LMX1A: variants seen among roughly 807,000 people sequenced by gnomAD.
LMX1A encodes LIM homeobox transcription factor 1-alpha.
In LMX1A, 15 loss-of-function variants were observed where a neutral mutation model predicts 49.1. The observed-to-expected ratio is 0.31, with a 90% CI of 0.20 to 0.47. LMX1A has a LOEUF of 0.47. Among genes scored for constraint, LMX1A ranks in the 20% least tolerant of loss-of-function variants. The pLI is 1.00. For synonymous variants in LMX1A, 167 were observed against 185.7 expected (o/e 0.90, Z 0.82); for missense variants, 372 against 475.8 (o/e 0.78, Z 2.03).
chr1:165,286,179 C>T (rs563588783), intron 3 of LMX1A, among the ~76,000 whole-genome samples: 11 of 152,292 alleles, frequency 7.2e-5, no homozygotes, highest in African/African-American at 2.6e-4. Flanking sequence ...TAATTTCCTC[C>T]TCTGTAAAAT....
intron 3 of LMX1A, among the ~76,000 whole-genome samples, chr1:165,277,031 G>T (rs1653990633): frequency 6.6e-6 from 1 of 152,236 alleles, no homozygotes. Context: ...GCAGCTTCAA[G>T]ACAAGGAACA....
chr1:165,285,609 T>C (rs557973947), intron 3 of LMX1A, among the ~76,000 whole-genome samples: 23 of 152,290 alleles, frequency 1.5e-4, no homozygotes, highest in Admixed American at 1.2e-3. Flanking sequence ...TGAAAGAGCC[T>C]GAGGACCAGC....
At chr1:165,315,338 T>G (rs867588778) in intron 3 of LMX1A, among the ~76,000 whole-genome samples, 3 of 152,122 alleles carry the variant, frequency 2.0e-5, no homozygotes, top group Non-Finnish European at 4.4e-5. Flanking sequence ...GAAAGAATAT[T>G]CAGGAAAAGC....
chr1:165,246,712 C>A (rs1295874981), intron 4 of LMX1A, among the ~76,000 whole-genome samples: 5 of 152,200 alleles, frequency 3.3e-5, no homozygotes, highest in Non-Finnish European at 5.9e-5. Flanking sequence ...TTGAAGGCAA[C>A]AATTATGTCC....
chr1:165,355,707 G>C lies in LMX1A; in HGVS notation c.-22-126C>G. On this transcript the variant is annotated intron_variant, in intron 1 of 8. Coordinates refer to ENST00000342310, the MANE Select transcript of LMX1A (RefSeq NM_177398.4). The surrounding 1 kb of genome is among the most constrained non-coding windows in gnomAD (Gnocchi z 4.7). ...GCGACCAGAATCAGCCAGGAGGATA[G>C]GGTCCAGCCAAGAGAATGTAGGGTG... The C allele has an allele frequency of 1.4e-6, 1 of 690,792 alleles. No individual in the cohort carries two copies. Among genetic ancestry groups the C allele is most frequent in the Non-Finnish European group, 2.5e-6 (1 of 394,638 alleles). 42.8% of individuals were successfully genotyped at this position (690,792 alleles called of 1,614,324 possible).
intron 3 of LMX1A, among the ~76,000 whole-genome samples, chr1:165,285,694 T>C (rs978926472): frequency 6.6e-6 from 1 of 152,108 alleles, no homozygotes; most frequent in African/African-American, 2.4e-5. Flanking sequence ...AGGCTAGAAG[T>C]AGGGAAGCAT....
At chr1:165,326,424 G>C (rs1464284853) in intron 3 of LMX1A, among the ~76,000 whole-genome samples, 1 of 152,184 alleles carries the variant, frequency 6.6e-6, no homozygotes, top group African/African-American at 2.4e-5. Context: ...TCTCTCTCCT[G>C]CTTTCTTTCC....
At chr1:165,277,044 T>C (rs1194115669) in intron 3 of LMX1A, among the ~76,000 whole-genome samples, 1 of 152,256 alleles carries the variant, frequency 6.6e-6, no homozygotes, top group Non-Finnish European at 1.5e-5. Context: ...AAGGAACAAC[T>C]GAGCGGTAGA....
At chr1:165,229,716 T>A (rs1652171534) in intron 4 of LMX1A, among the ~76,000 whole-genome samples, 2 of 137,442 alleles carry the variant, frequency 1.5e-5, no homozygotes, top group South Asian at 4.5e-4. Context: ...ATCAGGAGGG[T>A]TTTTTTGTTT....
chr1:165,291,548 A>G (rs556170932), intron 3 of LMX1A, among the ~76,000 whole-genome samples: 1 of 152,352 alleles, frequency 6.6e-6, no homozygotes, highest in South Asian at 2.1e-4. Flanking sequence ...AAGTGCTACC[A>G]GAATTCAAAA....
At position 165,355,211 on chromosome 1, in the gene LMX1A, T is replaced by C. The variant is rs959868710; in HGVS notation, c.76+273A>G. On this transcript the variant is annotated intron_variant, in intron 2 of 8. Transcript: ENST00000342310. This position sits in a 1 kb window ranked among gnomAD's most constrained non-coding sequence, Gnocchi z 4.7. ...TCCAGCCCTGGGTATTTTTAATCAC[T>C]TGCCACTCAGACGCCTACGAACAAG... Among the ~76,000 whole-genome samples the C allele has an allele frequency of 1.4e-4, 22 of 152,102 alleles. No individual in the cohort carries two copies. Among genetic ancestry groups the C allele is most frequent in the African/African-American group, 5.3e-4 (22 of 41,418 alleles).
At position 165,203,919 on chromosome 1, in the gene LMX1A, G is replaced by A. The variant is rs1650953318; in HGVS notation, c.1110C>T (p.Asp370=). 6.2e-7 allele frequency: 1 copy of A among 1,614,158 alleles called. No individual in the cohort carries two copies. The highest frequency in any genetic ancestry group is 8.5e-7 in the Non-Finnish European group (1 of 1,180,028). ...PLQSRVGNPI[D]HLYSMQNSYF... is the part of the protein sequence containing the mutation. Reference sequence around the variant, plus strand: ...AAGAATTCTGCATGGAGTACAGATGGTCAATGGGGTTTCCCACTCTGGACT... The same window carrying A: ...AAGAATTCTGCATGGAGTACAGATGATCAATGGGGTTTCCCACTCTGGACT... Residue 370 remains aspartate, a synonymous_variant, in exon 9 of 9, where the codon GAC becomes GAT. Transcript: ENST00000342310.
At chr1:165,249,704 C>T (rs1418571607) in intron 3 of LMX1A, 64 bp from the exon 4 acceptor site, 8 of 1,252,630 alleles carry the variant, frequency 6.4e-6, no homozygotes, top group Non-Finnish European at 9.2e-6. Context: ...CCTGGGTCTC[C>T]CCTGAAGTCA....
intron 3 of LMX1A, among the ~76,000 whole-genome samples, chr1:165,323,858 G>T (rs1485733413): frequency 6.6e-6 from 1 of 152,132 alleles, no homozygotes; most frequent in Non-Finnish European, 1.5e-5. Flanking sequence ...CAAAGGCAAA[G>T]ACTTTGACTT....
rs73017258 is a variant in LMX1A at position 165,314,107 on chromosome 1, A to G, written c.263+38969T>C. On this transcript the variant is annotated intron_variant, in intron 3 of 8. Coordinates refer to ENST00000342310, the MANE Select transcript of LMX1A (RefSeq NM_177398.4). ...AGCCAGCTCCCTAAGCCAGGCAGCA[A>G]ATAACTCCACAAGCTCACACCTCCT... 2.2e-3 allele frequency among the ~76,000 whole-genome samples: 333 copies of G among 152,340 alleles called. 1 individual carries two copies. The highest frequency in any genetic ancestry group is 7.8e-3 in the African/African-American group (323 of 41,574).
intron 3 of LMX1A, among the ~76,000 whole-genome samples, chr1:165,275,660 T>C (rs1350193590): frequency 6.6e-6 from 1 of 152,046 alleles, no homozygotes; most frequent in Non-Finnish European, 1.5e-5. Context: ...GTAATCCTTC[T>C]CCAGGGAAGA....
At chr1:165,284,177 CTG>C (rs1469935679) in intron 3 of LMX1A, among the ~76,000 whole-genome samples, 3 of 152,242 alleles carry the variant, frequency 2.0e-5, no homozygotes, top group African/African-American at 7.2e-5. Flanking sequence ...TGCGAGATGA[CTG>C]TAATATCAGC....
In LMX1A at chr1:165,249,460, A is replaced by G. The variant is rs145214876; in HGVS notation, c.444T>C (p.Tyr148=). The G allele has an allele frequency of 5.0e-6, 8 of 1,614,010 alleles. No individual in the cohort carries two copies. The African/African-American group carries it at 8.0e-5, about 16-fold the overall frequency. ...KEGQLLCKGD[Y]EKERELLSLV... is the part of the protein sequence containing the mutation. ...GGCTGAGCAGCTCCCGCTCCTTCTCATAGTCCCCTTTGCAGAGCAGCTGCC... is the reference window on the plus strand; with the variant it reads ...GGCTGAGCAGCTCCCGCTCCTTCTCGTAGTCCCCTTTGCAGAGCAGCTGCC... Residue 148 remains tyrosine (Y), a synonymous_variant, in exon 4 of 9, where the codon TAT becomes TAC. Transcript: ENST00000342310.
intron 3 of LMX1A, among the ~76,000 whole-genome samples, chr1:165,259,128 A>C (rs1653346494): frequency 6.6e-6 from 1 of 152,224 alleles, no homozygotes; most frequent in Non-Finnish European, 1.5e-5. Flanking sequence ...CAAAAATAGA[A>C]CTTTATATGT....
Sources: gnomAD v4.1 joint callset for allele counts (sites outside exome capture counted in the v4.1 genomes callset) on GRCh38, gnomAD v4.1.1 for gene constraint, Gnocchi (gnomAD v3.1) non-coding constraint, MANE v1.5 for transcripts, NCBI Gene and HGNC (gene_info 2026-07-23, HGNC 2026-07-21) for gene names.